Variants in MDGA2 observed in about 807,000 individuals in gnomAD.
MDGA2 encodes MAM domain containing glycosylphosphatidylinositol anchor 2.
In MDGA2, 40 loss-of-function variants were observed where a neutral mutation model predicts 117.8. That is an observed-to-expected ratio of 0.34 (90% CI 0.26 to 0.44). MDGA2 has a LOEUF of 0.44. MDGA2 is among the 20% of genes least tolerant of loss of function. MDGA2 has a pLI of 1.00. For missense variants in MDGA2, 1,123 were observed against 1,250.6 expected (o/e 0.90, Z 1.54); for synonymous variants, 452 against 439.0 (o/e 1.03, Z -0.37).
chr14:47,422,235 A>G (rs755336243), intron 1 of MDGA2, among the ~76,000 whole-genome samples: 11 of 152,184 alleles, frequency 7.2e-5, no homozygotes, highest in Non-Finnish European at 1.6e-4. Flanking sequence ...TCCATAGACT[A>G]AAAAGGAACT....
At chr14:47,403,034 C>A (rs971148279) in intron 1 of MDGA2, among the ~76,000 whole-genome samples, 2 of 152,132 alleles carry the variant, frequency 1.3e-5, no homozygotes, top group Non-Finnish European at 2.9e-5. Context: ...TTCTTAAGAT[C>A]TTTCCCATGT....
intron 9 of MDGA2, among the ~76,000 whole-genome samples, chr14:46,931,354 A>T (rs1440490901): frequency 6.6e-6 from 1 of 152,058 alleles, no homozygotes; most frequent in African/African-American, 2.4e-5. Flanking sequence ...CAATTGAAAG[A>T]ATATTTTTAA....
chr14:46,912,527 A>C (rs1883745916), intron 10 of MDGA2, among the ~76,000 whole-genome samples: 1 of 152,180 alleles, frequency 6.6e-6, no homozygotes, highest in Admixed American at 6.5e-5. Context: ...CAGCCTAACA[A>C]GTCCACATGT....
intron 1 of MDGA2, among the ~76,000 whole-genome samples, chr14:47,467,435 C>T (rs867835721): frequency 3.9e-4 from 59 of 152,076 alleles, no homozygotes; most frequent in Admixed American, 4.6e-4. Flanking sequence ...CTTGATAAGG[C>T]CTCTGGGGAA....
chr14:47,304,631 G>A (rs1346837103), intron 1 of MDGA2, among the ~76,000 whole-genome samples: 1 of 152,058 alleles, frequency 6.6e-6, no homozygotes, highest in Non-Finnish European at 1.5e-5. Flanking sequence ...GATCAAAATA[G>A]TATTTTGAAA....
chr14:47,499,543 T>A (rs1894355880), intron 1 of MDGA2, among the ~76,000 whole-genome samples: 1 of 152,132 alleles, frequency 6.6e-6, no homozygotes, highest in South Asian at 2.1e-4. Flanking sequence ...AAATAGGCAA[T>A]TAATTTATTT....
At chr14:47,261,263 G>T (rs1318985478) in intron 2 of MDGA2, among the ~76,000 whole-genome samples, 1 of 152,020 alleles carries the variant, frequency 6.6e-6, no homozygotes, top group African/African-American at 2.4e-5. Flanking sequence ...AAAACAAAAA[G>T]CCAAATTGGA....
chr14:46,873,083 A>C (rs1204406610), intron 14 of MDGA2, among the ~76,000 whole-genome samples: 2 of 151,974 alleles, frequency 1.3e-5, no homozygotes, highest in East Asian at 3.9e-4. Flanking sequence ...TTTCATCATG[A>C]TTAATATGCA....
intron 1 of MDGA2, among the ~76,000 whole-genome samples, chr14:47,623,951 T>A (rs1387890120): frequency 6.6e-6 from 1 of 151,674 alleles, no homozygotes; most frequent in Non-Finnish European, 1.5e-5. Flanking sequence ...ATGGCCGACT[T>A]CTTCTGGTAA....
At chr14:47,000,011 A>T (rs1278017165) in intron 8 of MDGA2, among the ~76,000 whole-genome samples, 1 of 151,952 alleles carries the variant, frequency 6.6e-6, no homozygotes, top group African/African-American at 2.4e-5. Flanking sequence ...TTGTCCTTTG[A>T]TAGCTGCACA....
intron 8 of MDGA2, among the ~76,000 whole-genome samples, chr14:46,982,874 T>A (rs1388383698): frequency 2.0e-5 from 3 of 152,060 alleles, no homozygotes. Context: ...AGGGCATCCG[T>A]GTCTTGTGCC....
At chr14:47,189,171 T>C (rs776160668) in intron 3 of MDGA2, among the ~76,000 whole-genome samples, 2 of 152,110 alleles carry the variant, frequency 1.3e-5, no homozygotes, top group Non-Finnish European at 1.5e-5. Flanking sequence ...ACACATTCTC[T>C]CTCTTCCCCT....
intron 9 of MDGA2, among the ~76,000 whole-genome samples, chr14:46,925,650 A>G (rs1884302110): frequency 6.6e-6 from 1 of 151,336 alleles, no homozygotes; most frequent in Admixed American, 6.6e-5. Flanking sequence ...AAAAAAAAAA[A>G]AAGGAAATAG....
intron 3 of MDGA2, among the ~76,000 whole-genome samples, chr14:47,193,103 CTTAAGTA>C (rs1885171866): frequency 7.5e-6 from 1 of 133,350 alleles, no homozygotes; most frequent in African/African-American, 2.7e-5. Flanking sequence ...TAAGACTTAT[CTTAAGTA>C]TTATCTTTCT....
intron 2 of MDGA2, among the ~76,000 whole-genome samples, chr14:47,291,780 T>C (rs1250942091): frequency 6.6e-6 from 1 of 152,214 alleles, no homozygotes; most frequent in African/African-American, 2.4e-5. Context: ...TGAATGCTTA[T>C]GACTTTTGCA....
chr14:47,066,159 T>A (rs970623848), intron 6 of MDGA2, among the ~76,000 whole-genome samples: 1 of 152,194 alleles, frequency 6.6e-6, no homozygotes, highest in Non-Finnish European at 1.5e-5. Flanking sequence ...TAGGAACCTA[T>A]CTTTCTCCTC....
intron 10 of MDGA2, among the ~76,000 whole-genome samples, chr14:46,887,721 T>C (rs942601654): frequency 6.6e-6 from 1 of 151,918 alleles, no homozygotes; most frequent in Non-Finnish European, 1.5e-5. Flanking sequence ...GTTAAAATAC[T>C]ATAACATAAT....
At chr14:46,882,447 A>G (rs893025314) in intron 10 of MDGA2, among the ~76,000 whole-genome samples, 33 of 151,768 alleles carry the variant, frequency 2.2e-4, no homozygotes, top group African/African-American at 7.7e-4. Context: ...TAGATTTAAT[A>G]TATCATCTAA....
At chr14:47,208,360 G>A (rs889166905) in intron 3 of MDGA2, among the ~76,000 whole-genome samples, 13 of 151,904 alleles carry the variant, frequency 8.6e-5, no homozygotes, top group Non-Finnish European at 1.6e-4. Flanking sequence ...AAATAATTAA[G>A]TAAGCAATAA....
Sources: gnomAD v4.1 joint callset for allele counts (sites outside exome capture counted in the v4.1 genomes callset) on GRCh38, gnomAD v4.1.1 for gene constraint, MANE v1.5 for transcripts, NCBI Gene and HGNC (gene_info 2026-07-23, HGNC 2026-07-21) for gene names.